The following ATP13A5 variants were observed in gnomAD, a reference collection of about 807,000 sequenced individuals.
ATP13A5 encodes the protein ATPase 13A5.
ATP13A5 carries 149 observed loss-of-function variants against 150.2 expected under a neutral mutation model. The ratio of observed to expected loss-of-function variants is 0.99; its 90% CI spans 0.87 to 1.14. The LOEUF is 1.14. ATP13A5 is among the 50% of genes most tolerant of loss of function. The probability of loss-of-function intolerance (pLI) is 0.00; values close to 1 mark genes in which losing one functional copy is unlikely to be tolerated. For synonymous variants in ATP13A5, 497 were observed against 522.2 expected (o/e 0.95, Z 0.66); for missense variants, 1,383 against 1,449.3 (o/e 0.95, Z 0.74).
In ATP13A5 at chr3:193,333,760, A is replaced by G. The variant is rs756613427; in HGVS notation, c.1262T>C (p.Met421Thr). The G allele has an allele frequency of 1.2e-6, 2 of 1,613,742 alleles. No individual in the cohort carries two copies. Among genetic ancestry groups the G allele is most frequent in the Non-Finnish European group, 1.7e-6 (2 of 1,179,740 alleles). The change falls in exon 11 of 30, where the codon ATG (methionine) becomes ACG (threonine). Residue 421 changes from methionine (M) to threonine (T), a missense_variant. Met to Thr is a moderately conservative substitution (Grantham distance 81). Coordinates refer to ENST00000342358, the MANE Select transcript of ATP13A5 (RefSeq NM_198505.4). ...ACCCCCAGTACTTACTCCATGGTAC[A>G]TATATACCCCTAGGGCATAGAAAAA... ...MGFFYALGVY[M>T]YHGVPPKDTV...
intron 25 of ATP13A5, among the ~76,000 whole-genome samples, chr3:193,296,797 T>C (rs1718189198): frequency 6.6e-6 from 1 of 152,148 alleles, no homozygotes; most frequent in East Asian, 1.9e-4. Context: ...ATTTTCATGA[T>C]ATTGATTCTT....
chr3:193,280,356 T>TACCACTGG (rs1717431525), intron 27 of ATP13A5, among the ~76,000 whole-genome samples: 1 of 152,130 alleles, frequency 6.6e-6, no homozygotes, highest in South Asian at 2.1e-4. Flanking sequence ...TGGCCTCCAA[T>TACCACTGG]TTTTCTTAAA....
At chr3:193,314,357 C>T in intron 18 of ATP13A5, 164 bp from the exon 19 acceptor site, 1 of 655,478 alleles carries the variant, frequency 1.5e-6, no homozygotes, top group Non-Finnish European at 2.6e-6. Flanking sequence ...ACTGGGCAAA[C>T]ACTATGTTCC....
intron 25 of ATP13A5, among the ~76,000 whole-genome samples, chr3:193,297,701 G>C (rs1006984412): frequency 6.6e-6 from 1 of 152,032 alleles, no homozygotes; most frequent in African/African-American, 2.4e-5. Context: ...CCCATTCTGA[G>C]ATGCGAGACT....
At chr3:193,347,030 G>T (rs926096766) in intron 7 of ATP13A5, among the ~76,000 whole-genome samples, 2 of 152,138 alleles carry the variant, frequency 1.3e-5, no homozygotes, top group African/African-American at 4.8e-5. Context: ...TTGCGCCTTA[G>T]AATTTAGTCG....
chr3:193,376,622 A>G (rs4686634), intron 1 of ATP13A5, among the ~76,000 whole-genome samples: 146,354 of 152,298 alleles, frequency 0.96, 70,351 homozygotes, highest in African/African-American at 0.98. Context: ...GTGGTTTGCC[A>G]CACAGATTGA....
intron 11 of ATP13A5, among the ~76,000 whole-genome samples, chr3:193,331,835 G>T (rs889070526): frequency 6.6e-6 from 1 of 152,118 alleles, no homozygotes; most frequent in Admixed American, 6.5e-5. Flanking sequence ...ACCTTATGAC[G>T]TAAATACTAT....
chr3:193,296,228 C>A (rs991574702), intron 25 of ATP13A5, among the ~76,000 whole-genome samples: 2 of 152,044 alleles, frequency 1.3e-5, no homozygotes, highest in African/African-American at 4.8e-5. Context: ...GGAGAGAGCA[C>A]CACTATGTCA....
intron 25 of ATP13A5, among the ~76,000 whole-genome samples, chr3:193,297,359 A>G (rs1194013730): frequency 6.6e-6 from 1 of 152,066 alleles, no homozygotes; most frequent in Non-Finnish European, 1.5e-5. Flanking sequence ...TTTCATGTCT[A>G]AGGATAAGAT....
chr3:193,334,376 G>T (rs1264181528), intron 10 of ATP13A5, among the ~76,000 whole-genome samples: 1 of 152,106 alleles, frequency 6.6e-6, no homozygotes, highest in African/African-American at 2.4e-5. Context: ...ATCCAGATTT[G>T]GTGCCACATT....
intron 16 of ATP13A5, 67 bp from the exon 17 acceptor site, chr3:193,319,175 G>T: frequency 8.8e-7 from 1 of 1,142,162 alleles, no homozygotes; most frequent in South Asian, 1.3e-5. Context: ...AAGACTCCAG[G>T]ACACAGCCAT....
chr3:193,357,127 T>C (rs1235114795), intron 5 of ATP13A5, among the ~76,000 whole-genome samples: 1 of 152,160 alleles, frequency 6.6e-6, no homozygotes, highest in Non-Finnish European at 1.5e-5. Context: ...AAACAGAGAT[T>C]TTTAAATCCT....
At position 193,314,200 on chromosome 3, in the gene ATP13A5, G is replaced by T. The variant is rs1212845037; in HGVS notation, c.2159-7C>A. 1.2e-6 allele frequency: 2 copies of T among 1,612,838 alleles called. No individual in the cohort carries two copies. Among genetic ancestry groups the T allele is most frequent in the Non-Finnish European group, 1.7e-6 (2 of 1,179,302 alleles). On this transcript the variant is annotated splice_region_variant and splice_polypyrimidine_tract_variant and intron_variant, in intron 18 of 29. Coordinates refer to ENST00000342358, the MANE Select transcript of ATP13A5 (RefSeq NM_198505.4). ...GCCGTTTGAAGGTTATCACCTAGAA[G>T]ACAAAGAAACTTTGCTTGCTGTATG... is the stretch of plus-strand genomic sequence containing the variant.
intron 1 of ATP13A5, among the ~76,000 whole-genome samples, chr3:193,368,146 T>G (rs1366904414): frequency 6.6e-6 from 1 of 152,188 alleles, no homozygotes; most frequent in African/African-American, 2.4e-5. Flanking sequence ...ACCAGGTCAA[T>G]ATAGGAAAAC....
intron 12 of ATP13A5, among the ~76,000 whole-genome samples, chr3:193,328,267 ATT>A (rs1373720979): frequency 6.6e-6 from 1 of 152,256 alleles, no homozygotes; most frequent in Non-Finnish European, 1.5e-5. Context: ...AGATTAAATA[ATT>A]AAGAAAACTT....
At chr3:193,358,751 C>T (rs73076727) in intron 5 of ATP13A5, among the ~76,000 whole-genome samples, 7,586 of 152,202 alleles carry the variant, frequency 0.05, 548 homozygotes, top group African/African-American at 0.16. Flanking sequence ...CTAAGTGAGG[C>T]GCTTCCAGTC....
At chr3:193,335,278 A>G (rs1942042078) in intron 9 of ATP13A5, among the ~76,000 whole-genome samples, 179 bp from the exon 10 acceptor site, 1 of 152,138 alleles carries the variant, frequency 6.6e-6, no homozygotes, top group Admixed American at 6.6e-5. Context: ...ACTTGATTCT[A>G]TTGCAAATAT....
rs116738060 is a variant in ATP13A5 at position 193,306,273 on chromosome 3, A to C, written c.2569-605T>G. Among the ~76,000 whole-genome samples the C allele has an allele frequency of 4.0e-3, 609 of 151,836 alleles. 1 individual carries two copies. Among genetic ancestry groups the C allele is most frequent in the African/African-American group, 0.014 (585 of 41,364 alleles). On this transcript the variant is annotated intron_variant, in intron 22 of 29. Coordinates refer to ENST00000342358, the MANE Select transcript of ATP13A5 (RefSeq NM_198505.4). Reference sequence around the variant, plus strand: ...TATCTCTATTATGTACTTTAGGACCATCTACTTTATGTTAGGGTTAGTTTT... The same window carrying C: ...TATCTCTATTATGTACTTTAGGACCCTCTACTTTATGTTAGGGTTAGTTTT...
At chr3:193,340,366 T>C (rs1712069381) in intron 9 of ATP13A5, among the ~76,000 whole-genome samples, 1 of 152,222 alleles carries the variant, frequency 6.6e-6, no homozygotes, top group East Asian at 1.9e-4. Context: ...TCTGAGCTTT[T>C]ATTGAGTAAA....
Sources: gnomAD v4.1 joint callset for allele counts (sites outside exome capture counted in the v4.1 genomes callset) on GRCh38, gnomAD v4.1.1 for gene constraint, MANE v1.5 for transcripts, NCBI Gene and HGNC (gene_info 2026-07-23, HGNC 2026-07-21) for gene names.